The following ZNF410 variants were observed in gnomAD, a reference collection of about 807,000 sequenced individuals.
ZNF410 encodes the protein another partner for ARF 1.
In ZNF410, 18 loss-of-function variants were observed where a neutral mutation model predicts 54.8. The observed-to-expected ratio is 0.33, with a 90% CI of 0.23 to 0.49. ZNF410 has a LOEUF of 0.49. ZNF410 is among the 20% of genes least tolerant of loss of function. ZNF410 has a pLI of 0.99. For synonymous variants in ZNF410, 191 were observed against 207.3 expected (o/e 0.92, Z 0.68); for missense variants, 405 against 569.6 (o/e 0.71, Z 2.94).
At position 73,904,683 on chromosome 14, in the gene ZNF410, T is replaced by G. The variant is rs556870423; in HGVS notation, c.732-219T>G. Among the ~76,000 whole-genome samples, 10 of 152,298 alleles carry G rather than the reference T, an allele frequency of 6.6e-5. No homozygotes were observed. The South Asian group carries it at 2.1e-3, about 32-fold the overall frequency. On this transcript the variant is annotated intron_variant, in intron 6 of 11. Transcript: ENST00000555044. ...TATGTTGCCCAAGCTGATCTCAAAC[T>G]CCTGGGCTCAAGTAATCTTCCTGCC...
intron 11 of ZNF410, among the ~76,000 whole-genome samples, chr14:73,929,852 T>A (rs1206759862): frequency 6.6e-6 from 1 of 151,674 alleles, no homozygotes; most frequent in Non-Finnish European, 1.5e-5. Context: ...GGGAAAAATA[T>A]CAGAAACTAC....
chr14:73,920,214 G>C (rs765556651), intron 8 of ZNF410: 1 of 152,016 alleles, frequency 6.6e-6, no homozygotes. Context: ...CCATGTGTTT[G>C]TCAATTGTGA....
chr14:73,928,361 G>T (rs1168867253), intron 11 of ZNF410, among the ~76,000 whole-genome samples: 1 of 152,080 alleles, frequency 6.6e-6, no homozygotes, highest in Non-Finnish European at 1.5e-5. Context: ...AGTGTGATGG[G>T]ACATGGGATG....
At chr14:73,890,264 C>T (rs1403281981) in intron 1 of ZNF410, among the ~76,000 whole-genome samples, 2 of 151,924 alleles carry the variant, frequency 1.3e-5, no homozygotes, top group African/African-American at 4.8e-5. Context: ...TCTCAGCTCA[C>T]TGCAACCTCC....
At position 73,903,940 on chromosome 14, in the gene ZNF410, A is replaced by G. The variant is rs368479059; in HGVS notation, c.581-20A>G. The G allele has an allele frequency of 1.1e-5, 17 of 1,613,768 alleles. No individual in the cohort carries two copies. Among genetic ancestry groups the G allele is most frequent in the East Asian group, 2.2e-5 (1 of 44,892 alleles). ...GAGTAGGGTCTTTCCCTGGATTACA[A>G]ATATGTGACTCTGTTACAGGAGAAA... is the stretch of plus-strand genomic sequence containing the variant. On this transcript the variant is annotated intron_variant, in intron 5 of 11. Coordinates refer to ENST00000555044, the MANE Select transcript of ZNF410 (RefSeq NM_021188.3).
intron 11 of ZNF410, among the ~76,000 whole-genome samples, chr14:73,930,866 G>T (rs936885323): frequency 3.9e-5 from 6 of 152,172 alleles, no homozygotes; most frequent in Non-Finnish European, 8.8e-5. Flanking sequence ...CTCCCAAAGT[G>T]CTGGGATTAC....
In ZNF410 at chr14:73,898,139, C is replaced by G; in HGVS notation, c.457C>G (p.Leu153Val). 6.2e-7 allele frequency: 1 copy of G among 1,614,156 alleles called. No homozygotes were observed. Among genetic ancestry groups the G allele is most frequent in the Non-Finnish European group, 8.5e-7 (1 of 1,180,042 alleles). ...GGCAGAAGATTCAGGGAATGATTTC[C>G]TCTCCAGTGAGAGCACAGACAGTAG... ...DEAEDSGNDFLSSESTDSSIP... is the reference protein window; with the variant it reads ...DEAEDSGNDFVSSESTDSSIP... The change falls in exon 5 of 12, where the codon CTC (leucine) becomes GTC (valine). Residue 153 changes from leucine to valine, a missense_variant. By Grantham distance (32) the Leu-to-Val change is conservative (BLOSUM62 1). Around this residue, in one of 3 missense-constraint regions of ZNF410, gnomAD observed 247 missense variants for 342.8 expected, o/e 0.72. Transcript: ENST00000555044.
At chr14:73,905,968 C>CATACATATATATATATATAT (rs1555353430) in intron 7 of ZNF410, among the ~76,000 whole-genome samples, 16 of 78,926 alleles carry the variant, frequency 2.0e-4, no homozygotes, top group African/African-American at 2.9e-4. Context: ...CACACACACA[C>CATACATATATATATATATAT]ATATATATAT....
chr14:73,929,442 T>C (rs1345954330), intron 11 of ZNF410, among the ~76,000 whole-genome samples: 1 of 152,188 alleles, frequency 6.6e-6, no homozygotes, highest in Admixed American at 6.5e-5. Context: ...TTTTTGGAGA[T>C]CACCAAGCAG....
At chr14:73,890,480 G>C (rs1408341765) in intron 1 of ZNF410, among the ~76,000 whole-genome samples, 1 of 152,068 alleles carries the variant, frequency 6.6e-6, no homozygotes, top group Non-Finnish European at 1.5e-5. Flanking sequence ...GAGCCACCGT[G>C]CCCAGCCTAA....
chr14:73,923,152 AAAAG>A (rs2055779094), intron 10 of ZNF410, among the ~76,000 whole-genome samples: 1 of 152,192 alleles, frequency 6.6e-6, no homozygotes, highest in Non-Finnish European at 1.5e-5. Context: ...TAATTCAGTT[AAAAG>A]TGCTAACACC....
intron 4 of ZNF410, among the ~76,000 whole-genome samples, chr14:73,897,797 C>T (rs1221832181): frequency 6.6e-6 from 1 of 151,960 alleles, no homozygotes; most frequent in Non-Finnish European, 1.5e-5. Flanking sequence ...CATGGTGAAA[C>T]CCCGTCTCTA....
chr14:73,909,945 G>C (rs1048375201), intron 8 of ZNF410, among the ~76,000 whole-genome samples: 1 of 152,198 alleles, frequency 6.6e-6, no homozygotes, highest in Non-Finnish European at 1.5e-5. Context: ...GAAAAGAGGA[G>C]TAAGATTTAG....
intron 10 of ZNF410, chr14:73,922,987 G>A (rs1188288438): frequency 6.5e-6 from 1 of 152,926 alleles, no homozygotes; most frequent in African/African-American, 2.4e-5. Context: ...TGATCCCACT[G>A]ATGAACATTT....
At chr14:73,894,283 G>T in intron 3 of ZNF410, 1 of 695,906 alleles carries the variant, frequency 1.4e-6, no homozygotes, top group Middle Eastern at 2.3e-4. Flanking sequence ...AAACCCAGGA[G>T]AAATCATTGT....
At chr14:73,900,857 T>C (rs538410926) in intron 5 of ZNF410, among the ~76,000 whole-genome samples, 1 of 152,340 alleles carries the variant, frequency 6.6e-6, no homozygotes, top group East Asian at 1.9e-4. Flanking sequence ...CTTTTAAAGC[T>C]CACCAGCTGT....
At chr14:73,918,686 C>CTTTT (rs71115932) in intron 8 of ZNF410, among the ~76,000 whole-genome samples, 2 of 74,642 alleles carry the variant, frequency 2.7e-5, no homozygotes, top group African/African-American at 1.3e-4. Flanking sequence ...TTCATATGGC[C>CTTTT]TTTTTTTTTT....
chr14:73,896,951 G>A (rs1421210613), intron 4 of ZNF410, among the ~76,000 whole-genome samples: 1 of 152,112 alleles, frequency 6.6e-6, no homozygotes, highest in Non-Finnish European at 1.5e-5. Flanking sequence ...GGATTCTAGA[G>A]AAGTCTCAAG....
At chr14:73,900,031 A>C (rs974441220) in intron 5 of ZNF410, among the ~76,000 whole-genome samples, 8 of 152,054 alleles carry the variant, frequency 5.3e-5, no homozygotes, top group Non-Finnish European at 1.2e-4. Flanking sequence ...TCCCGTCTCT[A>C]CTAAAAATAC....
Sources: gnomAD v4.1 joint callset for allele counts (sites outside exome capture counted in the v4.1 genomes callset) on GRCh38, gnomAD v4.1.1 for gene constraint, gnomAD v4.1.1 regional missense constraint, MANE v1.5 for transcripts, NCBI Gene and HGNC (gene_info 2026-07-23, HGNC 2026-07-21) for gene names.